Variants in KMT2C observed in about 807,000 individuals in gnomAD.
The protein encoded by KMT2C is lysine methyltransferase 2C, also known as histone-lysine N-methyltransferase 2C.
In KMT2C, 88 loss-of-function variants were observed where a neutral mutation model predicts 507.9. The observed-to-expected ratio is 0.17, with a 90% confidence interval of 0.15 to 0.21. The LOEUF is 0.21. KMT2C is among the 10% of genes least tolerant of loss of function. The pLI is 1.00. For synonymous variants in KMT2C, 2,049 were observed against 2,080.8 expected (o/e 0.98, Z 0.42); for missense variants, 4,954 against 5,957.8 (o/e 0.83, Z 5.55).
chr7:152,177,587 G>A lies in KMT2C; in HGVS notation c.7866C>T (p.His2622=), dbSNP rs2093259203. The A allele has an allele frequency of 1.2e-6, 2 of 1,614,040 alleles. No individual in the cohort carries two copies. Among genetic ancestry groups the A allele is most frequent in the East Asian group, 2.2e-5 (1 of 44,884 alleles). ...PQGLPNQLPV[H]PDLEQVPPSQ... is the part of the protein sequence containing the mutation. ...ATGGTGGCACTTGTTCCAAATCTGG[G>A]TGCACAGGTAGCTGATTAGGTAGAC... The change falls in exon 38 of 59, where the codon CAC becomes CAT. Residue 2622 remains histidine (H), a synonymous_variant. Transcript: ENST00000262189.
Position 152,163,438 on chromosome 7 carries a change from G to A in KMT2C, c.10139C>T (p.Pro3380Leu). 6.2e-7 allele frequency: 1 copy of A among 1,614,182 alleles called. No homozygotes were observed. The highest frequency in any genetic ancestry group is 2.2e-5 in the East Asian group (1 of 44,886). The change falls in exon 43 of 59, where the codon CCA (proline) becomes CTA (leucine). Residue 3380 changes from proline (P) to leucine (L), a missense_variant. By Grantham distance (98) the Pro-to-Leu change is moderately conservative (BLOSUM62 -3). Around this residue, in one of 29 missense-constraint regions of KMT2C, gnomAD observed 801 missense variants for 751.2 expected, o/e 1.07. Coordinates refer to ENST00000262189, the MANE Select transcript of KMT2C (RefSeq NM_170606.3). ...GTTGTCATCAAATTCTACCCGAGGTGGTGGTCCACTCTGTGGATTTGCATT... is the reference window on the plus strand; with the variant it reads ...GTTGTCATCAAATTCTACCCGAGGTAGTGGTCCACTCTGTGGATTTGCATT... ...VSNANPQSGP[P>L]PRVEFDDNNP...
At chr7:152,387,894 C>A (rs1185072279) in intron 1 of KMT2C, among the ~76,000 whole-genome samples, 1 of 151,604 alleles carries the variant, frequency 6.6e-6, no homozygotes, top group African/African-American at 2.4e-5. Context: ...CCAGTGATAA[C>A]CTCTGGGGAG....
chr7:152,287,767 C>T (rs77806526), intron 6 of KMT2C, among the ~76,000 whole-genome samples: 67 of 145,810 alleles, frequency 4.6e-4, no homozygotes, highest in Admixed American at 7.5e-4. Flanking sequence ...CTCACGCCTG[C>T]AATCCCAGCA....
intron 6 of KMT2C, among the ~76,000 whole-genome samples, chr7:152,301,872 T>C (rs1563784453): frequency 6.6e-6 from 1 of 152,204 alleles, no homozygotes; most frequent in African/African-American, 2.4e-5. Context: ...ACTTAAAGGA[T>C]CTTACATAAA....
At chr7:152,422,850 C>G (rs921931316) in intron 1 of KMT2C, among the ~76,000 whole-genome samples, 1 of 151,632 alleles carries the variant, frequency 6.6e-6, no homozygotes, top group African/African-American at 2.4e-5. Context: ...GGTGAAACCC[C>G]GTCTCTAATA....
chr7:152,224,566 C>A lies in KMT2C; in HGVS notation c.3027G>T (p.Val1009=), dbSNP rs1363201201. 5 of 1,606,510 alleles carry A rather than the reference C, an allele frequency of 3.1e-6. No individual in the cohort carries two copies. The highest frequency in any genetic ancestry group is 4.3e-6 in the Non-Finnish European group (5 of 1,175,002). Reference sequence around the variant, plus strand: ...CAGTTGCCTTCCCACAGGCCTCACACACAGTGCACTCAAGACACCTCCAAC... The same window carrying A: ...CAGTTGCCTTCCCACAGGCCTCACAAACAGTGCACTCAAGACACCTCCAAC... ...SKGWRCLECT[V]CEACGKATDP... The change falls in exon 19 of 59, where the codon GTG becomes GTT. Residue 1009 remains valine (V), a synonymous_variant. Coordinates refer to ENST00000262189, the MANE Select transcript of KMT2C (RefSeq NM_170606.3).
rs139887436 is a variant in KMT2C, at chr7:152,146,824, T to A, written c.13895-89A>T. The A allele has an allele frequency of 4.4e-4, 508 of 1,142,334 alleles. 2 individuals carry two copies. In the Middle Eastern group the frequency reaches 5.9e-3, roughly 13 times the overall value. The allele number at this position is 1,142,334 out of a possible 1,614,324, so 70.8% of individuals were successfully genotyped here. ...AATGAAGAATAACCACTCACAAGGATTTACTAATTTCCAAATAAATCCTGT... is the reference window on the plus strand; with the variant it reads ...AATGAAGAATAACCACTCACAAGGAATTACTAATTTCCAAATAAATCCTGT... On this transcript the variant is annotated intron_variant, in intron 52 of 58. Transcript: ENST00000262189.
At chr7:152,235,261 A>G (rs901790219) in intron 16 of KMT2C, among the ~76,000 whole-genome samples, 1 of 150,210 alleles carries the variant, frequency 6.7e-6, no homozygotes, top group Non-Finnish European at 1.5e-5. Flanking sequence ...AATATAGCTT[A>G]TATCAACTGT....
rs555664363 is a variant in KMT2C at position 152,175,141 on chromosome 7, G to A, written c.9263-899C>T. Among the ~76,000 whole-genome samples the A allele has an allele frequency of 1.2e-4, 12 of 96,998 alleles. 1 individual carries two copies. The highest frequency in any genetic ancestry group is 4.6e-4 in the African/African-American group (11 of 24,060). The allele number at this position is 96,998 out of a possible 152,430, so 63.6% of individuals were successfully genotyped here. A position where few individuals can be genotyped will look rare whatever the true frequency, so the allele number is the denominator to read the frequency against. On this transcript the variant is annotated intron_variant, in intron 38 of 58. Coordinates refer to ENST00000262189, the MANE Select transcript of KMT2C (RefSeq NM_170606.3). ...ACCTGGAAAGAATCTAAAACTCTTCGTTGTTTTCATTTTTTTTTTTTTGAG... is the reference window on the plus strand; with the variant it reads ...ACCTGGAAAGAATCTAAAACTCTTCATTGTTTTCATTTTTTTTTTTTTGAG...
At chr7:152,196,080 C>A in intron 27 of KMT2C, 69 bp from the exon 28 acceptor site, 2 of 852,880 alleles carry the variant, frequency 2.3e-6, no homozygotes, top group Admixed American at 2.6e-5. Flanking sequence ...TGCTAAAAAC[C>A]TAGAGTACAG....
chr7:152,170,519 T>C (rs546348571), intron 40 of KMT2C, among the ~76,000 whole-genome samples: 1 of 152,316 alleles, frequency 6.6e-6, no homozygotes, highest in East Asian at 1.9e-4. Context: ...GTTTGTTTGT[T>C]TGAGATGAAG....
At chr7:152,169,882 G>A (rs1266431778) in intron 40 of KMT2C, among the ~76,000 whole-genome samples, 1 of 152,094 alleles carries the variant, frequency 6.6e-6, no homozygotes, top group Non-Finnish European at 1.5e-5. Flanking sequence ...TATTTAATTC[G>A]TTTTATTTTC....
chr7:152,349,421 G>C (rs921003256), intron 2 of KMT2C, among the ~76,000 whole-genome samples: 2 of 151,818 alleles, frequency 1.3e-5, no homozygotes, highest in Non-Finnish European at 2.9e-5. Context: ...TCCAGCCTGG[G>C]AATACAGAGC....
chr7:152,272,504 A>G (rs568247013), intron 7 of KMT2C, among the ~76,000 whole-genome samples: 1 of 152,320 alleles, frequency 6.6e-6, no homozygotes, highest in Admixed American at 6.5e-5. Context: ...ATCCACTCTG[A>G]TAACTGCCAG....
chr7:152,218,940 T>C (rs1228271234), intron 23 of KMT2C, among the ~76,000 whole-genome samples: 1 of 151,972 alleles, frequency 6.6e-6, no homozygotes, highest in Non-Finnish European at 1.5e-5. Context: ...TCTGTTCATA[T>C]GGACCCTAAA....
At chr7:152,166,593 A>G (rs557786662) in intron 42 of KMT2C, among the ~76,000 whole-genome samples, 1 of 152,320 alleles carries the variant, frequency 6.6e-6, no homozygotes, top group South Asian at 2.1e-4. Context: ...AATAGAAGAT[A>G]ATGGCAAAAT....
At chr7:152,169,770 G>C (rs2092880401) in intron 40 of KMT2C, among the ~76,000 whole-genome samples, 1 of 152,158 alleles carries the variant, frequency 6.6e-6, no homozygotes, top group African/African-American at 2.4e-5. Context: ...GGCTACTTGG[G>C]AGGCTGAGGT....
chr7:152,175,570 T>C (rs2093167629), intron 38 of KMT2C, among the ~76,000 whole-genome samples: 3 of 151,464 alleles, frequency 2.0e-5, no homozygotes, highest in African/African-American at 4.9e-5. Context: ...ATGCAGTGTA[T>C]GGTTTTCTGT....
At chr7:152,218,121 A>G (rs1588304355) in intron 23 of KMT2C, among the ~76,000 whole-genome samples, 2 of 152,326 alleles carry the variant, frequency 1.3e-5, no homozygotes, top group Middle Eastern at 3.4e-3. Flanking sequence ...AAAACACACT[A>G]CAAAACAAAA....
Sources: allele counts gnomAD v4.1 joint callset (sites outside exome capture counted in the v4.1 genomes callset), GRCh38; gene constraint gnomAD v4.1.1; regional missense constraint gnomAD v4.1.1; transcripts MANE v1.5; gene names NCBI Gene and HGNC (gene_info 2026-07-23, HGNC 2026-07-21).